METTL15: variants seen among roughly 807,000 people sequenced by gnomAD.
METTL15 encodes the protein 12S rRNA N(4)-cytidine methyltransferase METTL15.
A neutral mutation model predicts 38.3 loss-of-function variants in METTL15; 34 were observed. The observed-to-expected ratio is 0.89, with a 90% CI of 0.68 to 1.18. The LOEUF (loss-of-function observed/expected upper bound fraction) is 1.18, where lower values mean the gene tolerates loss of function less well. Among genes scored for constraint, METTL15 ranks in the 50% most tolerant of loss-of-function variants. METTL15 has a pLI of 0.00. For synonymous variants in METTL15, 162 were observed against 170.9 expected (o/e 0.95, Z 0.41); for missense variants, 438 against 498.4 (o/e 0.88, Z 1.15).
chr11:28,296,935 G>A lies in METTL15; in HGVS notation c.778+4G>A. 1 of 1,613,290 alleles carries A rather than the reference G, an allele frequency of 6.2e-7. No individual in the cohort carries two copies. The highest frequency in any genetic ancestry group is 8.5e-7 in the Non-Finnish European group (1 of 1,179,562). On this transcript the variant is annotated splice_donor_region_variant and intron_variant, in intron 6 of 6. Transcript: ENST00000407364. ...CAGCTTGCCAGCATCGTTGCAGGTA[G>A]CCTCATTAATTCTCAACAGTGTCTA...
chr11:28,268,251 A>G (rs987233421), intron 4 of METTL15, among the ~76,000 whole-genome samples: 7 of 151,316 alleles, frequency 4.6e-5, no homozygotes, highest in Admixed American at 4.6e-4. Flanking sequence ...TAGTATAGAA[A>G]TAATAATTGT....
intron 3 of METTL15, among the ~76,000 whole-genome samples, chr11:28,179,852 T>G (rs1590116318): frequency 6.6e-6 from 1 of 151,940 alleles, no homozygotes; most frequent in East Asian, 1.9e-4. Flanking sequence ...GTTGAATCTC[T>G]TTACATTTGT....
chr11:28,427,094 C>G (rs999612242), intron 6 of METTL15, among the ~76,000 whole-genome samples: 3 of 152,114 alleles, frequency 2.0e-5, no homozygotes, highest in African/African-American at 7.2e-5. Flanking sequence ...TTTAATCCAT[C>G]TTGAATTGAT....
At chr11:28,153,369 A>G (rs1850158427) in intron 3 of METTL15, among the ~76,000 whole-genome samples, 1 of 152,098 alleles carries the variant, frequency 6.6e-6, no homozygotes, top group Non-Finnish European at 1.5e-5. Flanking sequence ...GGGATTCAAC[A>G]GTACTCTCCA....
chr11:28,321,651 T>G (rs1849473132), intron 6 of METTL15, among the ~76,000 whole-genome samples: 1 of 152,256 alleles, frequency 6.6e-6, no homozygotes, highest in East Asian at 1.9e-4. Context: ...TTTATTTTTA[T>G]ATACTTTGAT....
chr11:28,466,775 G>A (rs1029985747), intron 6 of METTL15, among the ~76,000 whole-genome samples: 3 of 152,140 alleles, frequency 2.0e-5, no homozygotes, highest in African/African-American at 7.2e-5. Flanking sequence ...AGGAGGGCTG[G>A]TGTGGGGAAT....
At chr11:28,174,642 G>A (rs7945116) in intron 3 of METTL15, among the ~76,000 whole-genome samples, 21,876 of 151,224 alleles carry the variant, frequency 0.14, 1,759 homozygotes, top group East Asian at 0.28. Flanking sequence ...GTGAAACCCC[G>A]TCTCTACTAA....
At position 28,250,279 on chromosome 11, in the gene METTL15, G is replaced by A. The variant is rs765941060; in HGVS notation, c.407+39081G>A. 3.7e-4 allele frequency among the ~76,000 whole-genome samples: 57 copies of A among 152,100 alleles called. 1 individual carries two copies. The highest frequency in any genetic ancestry group is 3.9e-4 in the East Asian group (2 of 5,182). On this transcript the variant is annotated intron_variant, in intron 4 of 6. Transcript: ENST00000407364. ...GTGTTGAATGATAATTCTGTTTTAA[G>A]TTCTTTAAGAAATCACCAAACTCCT...
chr11:28,150,800 A>G (rs1332280262), intron 3 of METTL15, among the ~76,000 whole-genome samples: 1 of 151,822 alleles, frequency 6.6e-6, no homozygotes, highest in Non-Finnish European at 1.5e-5. Flanking sequence ...TTACTTTTCT[A>G]TGAGTCTTTA....
At chr11:28,483,965 G>A (rs1851417667) in intron 6 of METTL15, among the ~76,000 whole-genome samples, 1 of 152,060 alleles carries the variant, frequency 6.6e-6, no homozygotes, top group African/African-American at 2.4e-5. Flanking sequence ...TTTAAAAATA[G>A]AGAGTGAGAT....
intron 3 of METTL15, among the ~76,000 whole-genome samples, chr11:28,138,164 G>A (rs538374858): frequency 1.3e-5 from 2 of 151,162 alleles, no homozygotes; most frequent in African/African-American, 4.9e-5. Context: ...TCTGTTTCTC[G>A]CCAGGTGTCC....
At chr11:28,488,717 C>G (rs1438780200) in intron 6 of METTL15, among the ~76,000 whole-genome samples, 1 of 152,148 alleles carries the variant, frequency 6.6e-6, no homozygotes, top group East Asian at 1.9e-4. Flanking sequence ...TGTTTCTGGT[C>G]CTTTAAATCA....
chr11:28,217,652 G>C (rs1229846616), intron 4 of METTL15, among the ~76,000 whole-genome samples: 1 of 152,114 alleles, frequency 6.6e-6, no homozygotes, highest in African/African-American at 2.4e-5. Flanking sequence ...GTCCTGAATG[G>C]TATTGCCTAG....
At chr11:28,415,937 G>A (rs1850768701) in intron 5 of METTL15, among the ~76,000 whole-genome samples, 1 of 152,112 alleles carries the variant, frequency 6.6e-6, no homozygotes, top group Admixed American at 6.5e-5. Context: ...AATTTGTGGG[G>A]CCTGAGATAA....
At chr11:28,309,162 C>T (rs960372978) in intron 6 of METTL15, among the ~76,000 whole-genome samples, 1 of 152,116 alleles carries the variant, frequency 6.6e-6, no homozygotes, top group African/African-American at 2.4e-5. Flanking sequence ...TTATCTTCTC[C>T]ACCAAAATCG....
At chr11:28,347,146 T>G (rs1850003209) in intron 3 of METTL15, among the ~76,000 whole-genome samples, 1 of 152,250 alleles carries the variant, frequency 6.6e-6, no homozygotes, top group Non-Finnish European at 1.5e-5. Flanking sequence ...AATGAGAATG[T>G]GCTTTGTTTC....
intron 6 of METTL15, among the ~76,000 whole-genome samples, chr11:28,524,819 G>T (rs547558167): frequency 6.6e-6 from 1 of 152,324 alleles, no homozygotes; most frequent in East Asian, 1.9e-4. Flanking sequence ...GTCCAGAATT[G>T]GTGGGTTATT....
chr11:28,392,154 G>T (rs1313858837), intron 5 of METTL15, among the ~76,000 whole-genome samples: 1 of 151,962 alleles, frequency 6.6e-6, no homozygotes, highest in Non-Finnish European at 1.5e-5. Context: ...GTGGGCAAAG[G>T]ATATGAACAG....
At chr11:28,265,885 A>G (rs1855396909) in intron 4 of METTL15, among the ~76,000 whole-genome samples, 1 of 152,220 alleles carries the variant, frequency 6.6e-6, no homozygotes, top group African/African-American at 2.4e-5. Context: ...ATATGTATAC[A>G]TGTGCCATGT....
Sources: allele counts gnomAD v4.1 joint callset (sites outside exome capture counted in the v4.1 genomes callset), GRCh38; gene constraint gnomAD v4.1.1; transcripts MANE v1.5; gene names NCBI Gene and HGNC (gene_info 2026-07-23, HGNC 2026-07-21).